The following UTY variants were observed in gnomAD, a reference collection of about 807,000 sequenced individuals.
UTY encodes ubiquitously transcribed tetratricopeptide repeat containing, Y-linked, also known as histone demethylase UTY.
A neutral mutation model predicts 32.5 loss-of-function variants in UTY; 12 were observed. The observed-to-expected ratio is 0.37, with a 90% CI of 0.24 to 0.60. The LOEUF (loss-of-function observed/expected upper bound fraction) is 0.60. UTY is among the 20% of genes least tolerant of loss of function. The pLI is 0.69. For missense variants in UTY, 303 were observed against 299.2 expected (o/e 1.01, Z -0.09); for synonymous variants, 131 against 103.4 (o/e 1.27, Z -1.62).
chrY:13,437,044 C>A lies in UTY; in HGVS notation c.375+11973G>T, dbSNP rs1603462312. Among the ~76,000 whole-genome samples, 5 of 31,654 alleles carry A rather than the reference C, an allele frequency of 1.6e-4. No individual in the cohort carries two copies. The East Asian group carries it at 2.5e-3, about 16-fold the overall frequency. The allele number at this position is 31,654 out of a possible 37,273, so 84.9% of individuals were successfully genotyped here. On this transcript the variant is annotated intron_variant, in intron 4 of 29. Transcript: ENST00000545955. Reference sequence around the variant, plus strand: ...TTGGAGAAGCTAGAGAATCCTTCTCCATATGCCCTTCTCTACCCATCCTTA... The same window carrying A: ...TTGGAGAAGCTAGAGAATCCTTCTCAATATGCCCTTCTCTACCCATCCTTA...
chrY:13,480,038 C>A, upstream of UTY: 1 of 76,429 alleles, frequency 1.3e-5, no homozygotes, highest in South Asian at 7.2e-5. Flanking sequence ...GCGACTGATT[C>A]GTCTCACGTG....
At chrY:13,426,470 G>A in intron 4 of UTY, among the ~76,000 whole-genome samples, 1 of 33,303 alleles carries the variant, frequency 3.0e-5, no homozygotes, top group African/African-American at 1.2e-4. Flanking sequence ...GCACCACCAA[G>A]TAAAGAAGCT....
intron 28 of UTY, among the ~76,000 whole-genome samples, chrY:13,240,260 TAAAA>T (rs755818961): frequency 1.3e-4 from 3 of 23,288 alleles, no homozygotes; most frequent in Non-Finnish European, 3.1e-4. Context: ...CACAGGCAGG[TAAAA>T]AAAAAAAAAG....
At chrY:13,455,298 A>G (rs2076703023) in intron 3 of UTY, among the ~76,000 whole-genome samples, 1 of 33,582 alleles carries the variant, frequency 3.0e-5, no homozygotes, top group Non-Finnish European at 7.4e-5. Flanking sequence ...ATTTTAACAC[A>G]AAACTTTAAA....
chrY:13,353,433 C>T, intron 17 of UTY, among the ~76,000 whole-genome samples: 2 of 34,009 alleles, frequency 5.9e-5, no homozygotes, highest in Non-Finnish European at 1.5e-4. Flanking sequence ...ATTAAATATA[C>T]ATTTGGTCAT....
Position 13,323,543 on chromosome Y carries a change from A to G in UTY, c.3276+12T>C. 2.6e-6 allele frequency: 1 copy of G among 388,261 alleles called. No individual in the cohort carries two copies. The highest frequency in any genetic ancestry group is 3.6e-6 in the Non-Finnish European group (1 of 274,136). The stretch of plus-strand genomic sequence containing the variant: ...ATAGCAACAATTAAAAAAGGAAGAA[A>G]GAAAAACTTACTCTCAATGATTCCT... On this transcript the variant is annotated intron_variant, in intron 21 of 29. Coordinates refer to ENST00000545955, the MANE Select transcript of UTY (RefSeq NM_001258249.2).
intron 3 of UTY, among the ~76,000 whole-genome samples, chrY:13,465,885 T>TG (rs2077870180): frequency 3.0e-5 from 1 of 32,944 alleles, no homozygotes; most frequent in Non-Finnish European, 7.4e-5. Flanking sequence ...GGAAGGCAGT[T>TG]GGGAAAAAAG....
chrY:13,431,534 A>T (rs1056468450), intron 4 of UTY, among the ~76,000 whole-genome samples: 9 of 32,763 alleles, frequency 2.7e-4, no homozygotes, highest in Non-Finnish European at 5.3e-4. Flanking sequence ...CTACAAAAAG[A>T]TCATTCAACA....
At chrY:13,428,058 T>C in intron 4 of UTY, among the ~76,000 whole-genome samples, 3 of 33,352 alleles carry the variant, frequency 9.0e-5, no homozygotes, top group Non-Finnish European at 2.2e-4. Flanking sequence ...TATGGGGTTG[T>C]ATTTTACTTA....
At chrY:13,309,548 G>A in intron 21 of UTY, among the ~76,000 whole-genome samples, 1 of 32,228 alleles carries the variant, frequency 3.1e-5, no homozygotes, top group Non-Finnish European at 7.6e-5. Flanking sequence ...CTGAGATCAC[G>A]CCACTGCACT....
intron 4 of UTY, among the ~76,000 whole-genome samples, chrY:13,446,348 G>A: frequency 3.1e-5 from 1 of 32,723 alleles, no homozygotes; most frequent in Admixed American, 2.8e-4. Flanking sequence ...CTAGAAATTA[G>A]TGTAAATTTG....
Position 13,460,393 on chromosome Y carries a change from C to T in UTY, c.325+9728G>A, listed in dbSNP as rs2077245242. ...TTTTTTCTTTAACCTCATGACCTTGCTTCACTTCTTTTAAATAAAAAAATG... is the reference window on the plus strand; with the variant it reads ...TTTTTTCTTTAACCTCATGACCTTGTTTCACTTCTTTTAAATAAAAAAATG... On this transcript the variant is annotated intron_variant, in intron 3 of 29. Transcript: ENST00000545955. 1.5e-4 allele frequency among the ~76,000 whole-genome samples: 5 copies of T among 33,376 alleles called. No individual in the cohort carries two copies. In the South Asian group the frequency reaches 3.3e-3, roughly 22 times the overall value. 89.5% of individuals were successfully genotyped at this position (33,376 alleles called of 37,273 possible).
At chrY:13,267,394 T>C (rs760785946) in intron 27 of UTY, among the ~76,000 whole-genome samples, 1 of 32,652 alleles carries the variant, frequency 3.1e-5, no homozygotes, top group South Asian at 7.0e-4. Context: ...ATCTCTCTCT[T>C]TTTTTTTGAT....
At chrY:13,386,351 C>T (rs2066762444) in intron 8 of UTY, among the ~76,000 whole-genome samples, 1 of 30,264 alleles carries the variant, frequency 3.3e-5, no homozygotes, top group African/African-American at 1.3e-4. Context: ...CCGCCCGCCT[C>T]GGCCTCCCAA....
chrY:13,432,173 C>T (rs2074107053), intron 4 of UTY, among the ~76,000 whole-genome samples: 1 of 33,647 alleles, frequency 3.0e-5, no homozygotes, highest in South Asian at 6.5e-4. Flanking sequence ...AATCTACAGA[C>T]TCAATGTAGT....
chrY:13,382,687 A>C, intron 8 of UTY, among the ~76,000 whole-genome samples: 1 of 34,202 alleles, frequency 2.9e-5, no homozygotes, highest in Non-Finnish European at 7.3e-5. Context: ...TACAAATCAG[A>C]CTTAAACTAG....
intron 10 of UTY, among the ~76,000 whole-genome samples, chrY:13,361,653 T>A: frequency 3.0e-5 from 1 of 33,050 alleles, no homozygotes. Context: ...AAGAACACCA[T>A]GAAGAAGGTT....
intron 10 of UTY, among the ~76,000 whole-genome samples, chrY:13,365,510 T>G (rs2064043258): frequency 9.5e-5 from 3 of 31,718 alleles, no homozygotes; most frequent in African/African-American, 3.7e-4. Flanking sequence ...AAGCTATCTA[T>G]TTTTACCTCC....
chrY:13,346,282 G>T, intron 17 of UTY, among the ~76,000 whole-genome samples: 1 of 33,252 alleles, frequency 3.0e-5, no homozygotes, highest in Non-Finnish European at 7.4e-5. Context: ...CTTTGATCAG[G>T]AAAGAGCACT....
Sources: gnomAD v4.1 joint callset for allele counts (sites outside exome capture counted in the v4.1 genomes callset) on GRCh38, gnomAD v4.1.1 for gene constraint, MANE v1.5 for transcripts, NCBI Gene and HGNC (gene_info 2026-07-23, HGNC 2026-07-21) for gene names.